HOATZ: variants seen among roughly 807,000 people sequenced by gnomAD.
HOATZ encodes the protein cilia- and flagella-associated protein HOATZ.
A neutral mutation model predicts 24.9 loss-of-function variants in HOATZ; 26 were observed. The observed-to-expected ratio is 1.04, with a 90% confidence interval of 0.76 to 1.45. HOATZ has a LOEUF of 1.45. Ranked by LOEUF, HOATZ falls within the 40% of genes most tolerant of loss-of-function variation. HOATZ has a pLI of 0.00. For synonymous variants in HOATZ, 83 were observed against 76.6 expected, an observed-to-expected ratio of 1.08 and a Z score of -0.43; for missense variants, 226 against 201.5, an observed-to-expected ratio of 1.12 and a Z score of -0.74.
At chr11:111,533,650 T>C (rs986726491) in intron 3 of HOATZ, 96 bp from the exon 4 acceptor site, 14 of 799,406 alleles carry the variant, frequency 1.8e-5, no homozygotes, top group African/African-American at 5.4e-5. Flanking sequence ...TTTAAAATTC[T>C]GCCAATACAA....
chr11:111,528,302 T>C (rs1325486120), intron 3 of HOATZ, among the ~76,000 whole-genome samples: 2 of 152,190 alleles, frequency 1.3e-5, no homozygotes, highest in African/African-American at 4.8e-5. Context: ...ATGGTGCCAC[T>C]GCACTTCCAC....
intron 3 of HOATZ, among the ~76,000 whole-genome samples, chr11:111,522,813 G>A (rs2135776496): frequency 6.6e-6 from 1 of 152,086 alleles, no homozygotes; most frequent in Middle Eastern, 3.4e-3. Context: ...CAGACATGCG[G>A]AAAGTGGTTA....
intron 3 of HOATZ, among the ~76,000 whole-genome samples, chr11:111,530,884 GT>G (rs1867386638): frequency 6.6e-6 from 1 of 151,946 alleles, no homozygotes; most frequent in South Asian, 2.1e-4. Context: ...GTTTACACTA[GT>G]TTTGTTATTT....
intron 3 of HOATZ, among the ~76,000 whole-genome samples, chr11:111,527,967 T>C (rs1454987272): frequency 6.6e-6 from 1 of 152,214 alleles, no homozygotes; most frequent in Non-Finnish European, 1.5e-5. Flanking sequence ...TTGCAGAATG[T>C]GAACTGAAAT....
chr11:111,522,576 A>G (rs965522524), intron 3 of HOATZ, among the ~76,000 whole-genome samples: 2 of 152,182 alleles, frequency 1.3e-5, no homozygotes, highest in African/African-American at 4.8e-5. Context: ...TTCTGTGATA[A>G]TGTATTCTAG....
intron 3 of HOATZ, among the ~76,000 whole-genome samples, chr11:111,531,350 C>G (rs1261709222): frequency 1.3e-5 from 2 of 152,162 alleles, no homozygotes; most frequent in African/African-American, 4.8e-5. Flanking sequence ...ACATACAAAG[C>G]ACTGCTAAGC....
intron 3 of HOATZ, among the ~76,000 whole-genome samples, 161 bp downstream of exon 3, chr11:111,516,271 C>A (rs1443237484): frequency 6.6e-6 from 1 of 152,102 alleles, no homozygotes; most frequent in Non-Finnish European, 1.5e-5. Context: ...TTTAAAAATT[C>A]TATTCAACAT....
intron 3 of HOATZ, chr11:111,519,100 A>G: frequency 2.2e-6 from 1 of 452,130 alleles, no homozygotes; most frequent in South Asian, 1.6e-5. Flanking sequence ...GACCTTGAGC[A>G]AGTGGTTTAA....
intron 3 of HOATZ, among the ~76,000 whole-genome samples, chr11:111,522,395 T>G (rs1867279774): frequency 6.6e-6 from 1 of 152,220 alleles, no homozygotes; most frequent in Non-Finnish European, 1.5e-5. Flanking sequence ...ACTGGAATGA[T>G]TCTGTGGATC....
chr11:111,534,818 G>A (rs1867433267), intron 5 of HOATZ: 1 of 206,476 alleles, frequency 4.8e-6, no homozygotes, highest in Non-Finnish European at 9.7e-6. Flanking sequence ...CACTTCTTTA[G>A]TGAATCAGCA....
chr11:111,522,178 C>A (rs754801393), intron 3 of HOATZ, among the ~76,000 whole-genome samples: 1 of 152,142 alleles, frequency 6.6e-6, no homozygotes, highest in Non-Finnish European at 1.5e-5. Flanking sequence ...TAATATTGGG[C>A]AAGGATCCAC....
intron 3 of HOATZ, among the ~76,000 whole-genome samples, chr11:111,525,119 C>G (rs543461063): frequency 3.3e-5 from 5 of 152,222 alleles, no homozygotes; most frequent in Admixed American, 1.3e-4. Context: ...GATTTGCCCA[C>G]CTCGGCCTCC....
At chr11:111,520,448 T>TC (rs1488387236) in intron 3 of HOATZ, among the ~76,000 whole-genome samples, 3 of 152,182 alleles carry the variant, frequency 2.0e-5, no homozygotes, top group African/African-American at 7.2e-5. Context: ...CAGAACAATA[T>TC]CCCAGGTATG....
intron 3 of HOATZ, among the ~76,000 whole-genome samples, chr11:111,521,798 A>G (rs1364540236): frequency 5.9e-5 from 9 of 152,264 alleles, no homozygotes; most frequent in Admixed American, 3.9e-4. Context: ...TATATCATCC[A>G]TAAGTACCAC....
intron 3 of HOATZ, among the ~76,000 whole-genome samples, chr11:111,518,207 A>T (rs995361079): frequency 6.6e-6 from 1 of 152,224 alleles, no homozygotes; most frequent in Non-Finnish European, 1.5e-5. Context: ...ATTTGTTGAC[A>T]GTAGAAGACA....
At chr11:111,519,723 G>A (rs1867248425) in intron 3 of HOATZ, among the ~76,000 whole-genome samples, 1 of 152,084 alleles carries the variant, frequency 6.6e-6, no homozygotes, top group Non-Finnish European at 1.5e-5. Context: ...TCTTCTACAT[G>A]TTTTGAACAT....
At chr11:111,520,873 T>C (rs552601918) in intron 3 of HOATZ, among the ~76,000 whole-genome samples, 1 of 152,320 alleles carries the variant, frequency 6.6e-6, no homozygotes, top group South Asian at 2.1e-4. Flanking sequence ...TTTATTACAG[T>C]ATATTGTTAT....
intron 5 of HOATZ, chr11:111,534,799 C>T (rs989725830): frequency 4.1e-5 from 9 of 217,156 alleles, no homozygotes; most frequent in African/African-American, 1.6e-4. Flanking sequence ...CCCCTATCCA[C>T]ACCTGGCCCA....
At chr11:111,534,611 T>C (rs576229127) in intron 5 of HOATZ, 147 bp downstream of exon 5, 1 of 686,750 alleles carries the variant, frequency 1.5e-6, no homozygotes, top group African/African-American at 1.8e-5. Context: ...ATAAACTTTC[T>C]TCTCCGCACA....
Sources: gnomAD v4.1 joint callset for allele counts (sites outside exome capture counted in the v4.1 genomes callset) on GRCh38, gnomAD v4.1.1 for gene constraint, MANE v1.5 for transcripts, NCBI Gene and HGNC (gene_info 2026-07-23, HGNC 2026-07-21) for gene names.